The following CAPN2 variants were observed in gnomAD, a reference collection of about 807,000 sequenced individuals.
CAPN2 encodes the protein calpain-2 catalytic subunit.
In CAPN2, 92 loss-of-function variants were observed where a neutral mutation model predicts 102.3. The observed-to-expected ratio is 0.90, with a 90% CI of 0.76 to 1.07. CAPN2 has a LOEUF of 1.07. Ranked by LOEUF, CAPN2 falls within the 50% of genes least tolerant of loss-of-function variation. The pLI is 0.00. For synonymous variants in CAPN2, 340 were observed against 355.4 expected (o/e 0.96, Z 0.49); for missense variants, 800 against 909.4 (o/e 0.88, Z 1.55).
chr1:223,752,977 G>C (rs781413416), intron 9 of CAPN2, 21 bp downstream of exon 9: 1 of 1,612,452 alleles, frequency 6.2e-7, no homozygotes, highest in South Asian at 1.1e-5. Context: ...TTGCATATAA[G>C]GGCTGTTGCA....
At chr1:223,771,484 C>G (rs766627525) in intron 18 of CAPN2, 1 of 246,752 alleles carries the variant, frequency 4.1e-6, no homozygotes, top group East Asian at 1.0e-4. Flanking sequence ...ATCTTCAAGA[C>G]GATTGAGAGC....
intron 2 of CAPN2, among the ~76,000 whole-genome samples, chr1:223,735,496 C>T (rs1660433035): frequency 1.3e-5 from 2 of 151,144 alleles, no homozygotes; most frequent in Admixed American, 1.3e-4. Flanking sequence ...CCATTGCACT[C>T]CAGCCTGGGC....
chr1:223,774,628 C>T (rs1661565806), intron 20 of CAPN2, among the ~76,000 whole-genome samples: 2 of 152,148 alleles, frequency 1.3e-5, no homozygotes, highest in South Asian at 4.1e-4. Flanking sequence ...GATTCATGGC[C>T]ACTTAATGCA....
At chr1:223,770,165 C>A (rs1434581318) in intron 17 of CAPN2, 1 of 576,976 alleles carries the variant, frequency 1.7e-6, no homozygotes, top group Non-Finnish European at 3.1e-6. Context: ...CAAGGGTTTC[C>A]TGAAAAGGGT....
chr1:223,737,577 C>T (rs1304419057), intron 2 of CAPN2, among the ~76,000 whole-genome samples: 1 of 151,930 alleles, frequency 6.6e-6, no homozygotes, highest in East Asian at 1.9e-4. Context: ...GTGTCAGGCT[C>T]CTGGGATGAG....
chr1:223,702,997 T>C (rs117230153), intron 1 of CAPN2, among the ~76,000 whole-genome samples: 5 of 152,318 alleles, frequency 3.3e-5, no homozygotes, highest in East Asian at 3.9e-4. Context: ...AAGGTTTCCC[T>C]GGATTTCGAA....
At chr1:223,703,475 T>C (rs1483449989) in intron 1 of CAPN2, among the ~76,000 whole-genome samples, 1 of 152,182 alleles carries the variant, frequency 6.6e-6, no homozygotes, top group African/African-American at 2.4e-5. Context: ...CTCCAGCCAA[T>C]GACAACACAG....
intron 2 of CAPN2, among the ~76,000 whole-genome samples, chr1:223,730,389 T>C (rs1216812835): frequency 1.1e-5 from 1 of 89,032 alleles, no homozygotes; most frequent in Non-Finnish European, 2.6e-5. Context: ...GTGTATTTTA[T>C]GTGTGGCCCA....
At chr1:223,720,641 G>A (rs1460690834) in intron 2 of CAPN2, among the ~76,000 whole-genome samples, 1 of 152,074 alleles carries the variant, frequency 6.6e-6, no homozygotes, top group African/African-American at 2.4e-5. Context: ...ATTACACACA[G>A]AAGGAGTAAT....
Position 223,712,697 on chromosome 1 carries a change from C to A in CAPN2, c.57C>A (p.Gly19=), listed in dbSNP as rs750093246. The A allele has an allele frequency of 5.7e-6, 9 of 1,574,516 alleles. No homozygotes were observed. The South Asian group carries it at 9.4e-5, about 16-fold the overall frequency. ...ACCGGGAGGCGGCCGAGGGGCTGGG[C>A]TCCCACGACAGGGCCATCAAGTACC... The part of the protein sequence containing the change: ...AKDREAAEGL[G]SHDRAIKYLN... The change falls in exon 1 of 21, where the codon GGC becomes GGA. Residue 19 remains glycine (G), a synonymous_variant. Transcript: ENST00000295006.
rs1001340172 is a variant in CAPN2 at position 223,759,731 on chromosome 1, G to C, written c.1529+250G>C. 6.6e-6 allele frequency among the ~76,000 whole-genome samples: 1 copy of C among 152,234 alleles called. No individual in the cohort carries two copies. The highest frequency in any genetic ancestry group is 6.5e-5 in the Admixed American group (1 of 15,278). ...AGGGGTGGCTGTACAGTGAATTGCAGGGTCTAATTTCATAAGCGTGTCTCT... is the reference window on the plus strand; with the variant it reads ...AGGGGTGGCTGTACAGTGAATTGCACGGTCTAATTTCATAAGCGTGTCTCT... On this transcript the variant is annotated intron_variant, in intron 12 of 20. Transcript: ENST00000295006. The surrounding 1 kb of genome is among the most constrained non-coding windows in gnomAD (Gnocchi z 4.6).
chr1:223,741,765 TTTTTCTTTTC>T (rs201470769), intron 2 of CAPN2, among the ~76,000 whole-genome samples: 9 of 151,410 alleles, frequency 5.9e-5, no homozygotes, highest in African/African-American at 2.0e-4. Context: ...CTCTTTTATC[TTTTTCTTTTC>T]TTTTCTTTTC....
chr1:223,743,897 G>A (rs1660685024), intron 2 of CAPN2, among the ~76,000 whole-genome samples: 2 of 152,184 alleles, frequency 1.3e-5, no homozygotes, highest in Admixed American at 1.3e-4. Flanking sequence ...CTAGGTTGGT[G>A]CAAAAATCAC....
At chr1:223,764,253 T>C in intron 15 of CAPN2, 46 bp downstream of exon 15, 2 of 1,512,198 alleles carry the variant, frequency 1.3e-6, no homozygotes, top group Non-Finnish European at 1.8e-6. Flanking sequence ...CTTTCCCCTG[T>C]GGATGGGAGG....
At chr1:223,703,373 G>A (rs544607315) in intron 1 of CAPN2, among the ~76,000 whole-genome samples, 1 of 151,960 alleles carries the variant, frequency 6.6e-6, no homozygotes, top group Admixed American at 6.6e-5. Context: ...CAAACCCCTG[G>A]GCTCAAGTAG....
At chr1:223,751,965 A>G in intron 7 of CAPN2, 32 bp from the exon 8 acceptor site, 1 of 1,466,126 alleles carries the variant, frequency 6.8e-7, no homozygotes, top group East Asian at 2.3e-5. Flanking sequence ...ATCATCGTAC[A>G]CTAACGCCTC....
intron 11 of CAPN2, chr1:223,758,787 G>C (rs1052865829): frequency 5.1e-6 from 1 of 196,740 alleles, no homozygotes; most frequent in African/African-American, 2.4e-5. Flanking sequence ...TGAACTCTCA[G>C]ACTCACGTGA....
upstream of CAPN2, among the ~76,000 whole-genome samples, chr1:223,710,824 AC>A (rs1369946064): frequency 8.1e-5 from 2 of 24,746 alleles, no homozygotes; most frequent in African/African-American, 3.1e-4. Context: ...CCCACCCACC[AC>A]CCCCCGCCAC....
In CAPN2 at chr1:223,712,889, G is replaced by A. The variant is rs369352429; in HGVS notation, c.237+12G>A. 8.1e-6 allele frequency: 12 copies of A among 1,482,006 alleles called. No homozygotes were observed. The highest frequency in any genetic ancestry group is 1.4e-5 in the African/African-American group (1 of 69,592). The allele number at this position is 1,482,006 out of a possible 1,614,324, so 91.8% of individuals were successfully genotyped here. On this transcript the variant is annotated intron_variant, in intron 1 of 20. Coordinates refer to ENST00000295006, the MANE Select transcript of CAPN2 (RefSeq NM_001748.5). Reference sequence around the variant, plus strand: ...GGAAGCGCCCCACGGTAGGAAGCGCGCGGCAGGACGCGGGCAGGGCGGGGT... The same window carrying A: ...GGAAGCGCCCCACGGTAGGAAGCGCACGGCAGGACGCGGGCAGGGCGGGGT...
Sources: gnomAD v4.1 joint callset for allele counts (sites outside exome capture counted in the v4.1 genomes callset) on GRCh38, gnomAD v4.1.1 for gene constraint, Gnocchi (gnomAD v3.1) non-coding constraint, MANE v1.5 for transcripts, NCBI Gene and HGNC (gene_info 2026-07-23, HGNC 2026-07-21) for gene names.